Variants in SLC6A7 observed in about 807,000 individuals in gnomAD.
The protein encoded by SLC6A7 is solute carrier family 6 member 7, also known as sodium-dependent proline transporter.
Under a neutral mutation model 73.1 loss-of-function variants are expected in SLC6A7, and 58 were observed. That is an observed-to-expected ratio of 0.79 (90% CI 0.64 to 0.99). The LOEUF is 0.99. SLC6A7 is among the 50% of genes least tolerant of loss of function. The pLI is 0.00. For synonymous variants in SLC6A7, 338 were observed against 338.7 expected (o/e 1.00, Z 0.02); for missense variants, 783 against 831.4 (o/e 0.94, Z 0.72).
rs1283324833 is a variant in SLC6A7, at chr5:150,209,980, G to A, written c.*365G>A. 1.6e-5 allele frequency: 5 copies of A among 306,186 alleles called. No individual in the cohort carries two copies. The highest frequency in any genetic ancestry group is 7.4e-5 in the South Asian group (2 of 27,050). 19.0% of individuals were successfully genotyped at this position (306,186 alleles called of 1,614,324 possible). On this transcript the variant is annotated 3_prime_UTR_variant, in exon 14 of 14. Coordinates refer to ENST00000230671, the MANE Select transcript of SLC6A7 (RefSeq NM_014228.5). The stretch of plus-strand genomic sequence containing the variant: ...CAGCTCCCTTTCCCATGGGGCAGCC[G>A]GCACCACCTTCTCATCTCTATTCAG...
chr5:150,200,726 G>A (rs1194121644), intron 5 of SLC6A7, among the ~76,000 whole-genome samples: 1 of 152,222 alleles, frequency 6.6e-6, no homozygotes, highest in Non-Finnish European at 1.5e-5. Context: ...TGCTGAAGCG[G>A]TGGCTGGAGG....
At chr5:150,193,986 T>A (rs999598557) in intron 1 of SLC6A7, among the ~76,000 whole-genome samples, 5 of 152,160 alleles carry the variant, frequency 3.3e-5, no homozygotes, top group Non-Finnish European at 5.9e-5. Context: ...CTTAGATGAA[T>A]ACTGAGCTCA....
In SLC6A7 at chr5:150,204,587, T is replaced by C; in HGVS notation, c.1388T>C (p.Met463Thr). ...LDDYSASFGL[M>T]VVVITTCLAV... ...GACTACAGCGCCAGCTTCGGGCTGA[T>C]GGTGGTGGTTATCACCACGTGCCTT... Residue 463 changes from methionine (M) to threonine (T), a missense_variant, in exon 11 of 14, where the codon ATG becomes ACG. Transcript: ENST00000230671. 1 of 1,614,082 alleles carries C rather than the reference T, an allele frequency of 6.2e-7. No homozygotes were observed. The highest frequency in any genetic ancestry group is 2.2e-5 in the East Asian group (1 of 44,876).
chr5:150,198,636 A>C (rs1287132836), intron 4 of SLC6A7, among the ~76,000 whole-genome samples: 1 of 152,186 alleles, frequency 6.6e-6, no homozygotes, highest in Non-Finnish European at 1.5e-5. Flanking sequence ...AGTTTAGTGA[A>C]GGGACTTTTC....
At chr5:150,192,962 G>C (rs1410139752) in intron 1 of SLC6A7, among the ~76,000 whole-genome samples, 1 of 152,202 alleles carries the variant, frequency 6.6e-6, no homozygotes, top group Non-Finnish European at 1.5e-5. Context: ...TGCTCACCCA[G>C]CTGGAGAGGC....
At position 150,201,155 on chromosome 5, in the gene SLC6A7, C is replaced by G; in HGVS notation, c.790C>G (p.Leu264Val). 6.2e-7 allele frequency: 1 copy of G among 1,613,796 alleles called. No individual in the cohort carries two copies. The highest frequency in any genetic ancestry group is 8.5e-7 in the Non-Finnish European group (1 of 1,179,782). ...LLMLLVRGVT[L>V]PGAWKGIQFY... ...CATGCTGCTGGTCCGCGGAGTCACC[C>G]TCCCAGGGGCCTGGAAGGGCATCCA... is the stretch of plus-strand genomic sequence containing the variant. The change falls in exon 6 of 14, where the codon CTC (leucine) becomes GTC (valine). Residue 264 changes from leucine (L) to valine (V), a missense_variant. Physicochemically the swap from Leu to Val is conservative, Grantham distance 32. Coordinates refer to ENST00000230671, the MANE Select transcript of SLC6A7 (RefSeq NM_014228.5).
chr5:150,205,512 C>T lies in SLC6A7; in HGVS notation c.1590C>T (p.Arg530=), dbSNP rs1753651242. ...KYQPSEYGSY[R]FPPWAELLGI... is the part of the protein sequence containing the mutation. The stretch of plus-strand genomic sequence containing the variant: ...AGCCCTCGGAGTATGGCAGTTACCG[C>T]TTCCCGCCCTGGGCTGAGCTGCTGG... The change falls in exon 13 of 14, where the codon CGC becomes CGT. Residue 530 remains arginine, a synonymous_variant. Transcript: ENST00000230671. 2 of 1,613,602 alleles carry T rather than the reference C, an allele frequency of 1.2e-6. No homozygotes were observed. Among genetic ancestry groups the T allele is most frequent in the African/African-American group, 2.7e-5 (2 of 75,030 alleles).
chr5:150,204,756 G>A, intron 11 of SLC6A7, 71 bp from the exon 12 acceptor site: 2 of 1,347,808 alleles, frequency 1.5e-6, no homozygotes, highest in Non-Finnish European at 2.1e-6. Context: ...GGGCAGCTGG[G>A]GTAGAGGAGG....
Position 150,204,639 on chromosome 5 carries a change from G to A in SLC6A7, c.1432+8G>A. On this transcript the variant is annotated splice_region_variant and intron_variant, in intron 11 of 13. Coordinates refer to ENST00000230671, the MANE Select transcript of SLC6A7 (RefSeq NM_014228.5). ...CCGTGACACGGGTGTATGGTGAGAA[G>A]AGCCGTGGGAAGTGGAGTCGAGCTC... 1 of 1,593,558 alleles carries A rather than the reference G, an allele frequency of 6.3e-7. No individual in the cohort carries two copies. Among genetic ancestry groups the A allele is most frequent in the Non-Finnish European group, 8.6e-7 (1 of 1,161,104 alleles).
In SLC6A7 at chr5:150,203,730, G is replaced by T. The variant is rs764171454; in HGVS notation, c.1151G>T (p.Trp384Leu). ...ACCATGCTGCCTCTGTCACCCTTCT[G>T]GTCCTTTCTCTTCTTCTTCATGCTT... The part of the protein sequence containing the change: ...AMTMLPLSPF[W>L]SFLFFFMLLT... The change falls in exon 9 of 14, where the codon TGG becomes TTG. Residue 384 changes from tryptophan (W) to leucine (L), a missense_variant. By Grantham distance (61) the Trp-to-Leu change is moderately conservative. Transcript: ENST00000230671. 1 of 1,612,686 alleles carries T rather than the reference G, an allele frequency of 6.2e-7. No homozygotes were observed. Among genetic ancestry groups the T allele is most frequent in the South Asian group, 1.1e-5 (1 of 91,022 alleles).
chr5:150,200,249 T>G (rs1285913050), intron 5 of SLC6A7, among the ~76,000 whole-genome samples: 1 of 152,156 alleles, frequency 6.6e-6, no homozygotes, highest in Non-Finnish European at 1.5e-5. Flanking sequence ...TCCTAGCAGT[T>G]TGGGAAGCCG....
At chr5:150,195,609 C>T (rs1388985252) in intron 2 of SLC6A7, among the ~76,000 whole-genome samples, 1 of 152,224 alleles carries the variant, frequency 6.6e-6, no homozygotes, top group African/African-American at 2.4e-5. Flanking sequence ...CCCAAGGTCA[C>T]AGGGTGGCAG....
Position 150,190,236 on chromosome 5 carries a change from G to C in SLC6A7, c.-92G>C. 3 of 1,112,674 alleles carry C rather than the reference G, an allele frequency of 2.7e-6. No individual in the cohort carries two copies. The highest frequency in any genetic ancestry group is 1.5e-5 in the South Asian group (1 of 65,438). The allele number at this position is 1,112,674 out of a possible 1,614,324, so 68.9% of individuals were successfully genotyped here. A position where few individuals can be genotyped will look rare whatever the true frequency, so the allele number is the denominator to read the frequency against. ...GCCCCAGCCGGTGCGCGGGAGCCGC[G>C]GGGGCAAAGGCGCAGTGGCCAGCGG... On this transcript the variant is annotated 5_prime_UTR_variant, in exon 1 of 14. Coordinates refer to ENST00000230671, the MANE Select transcript of SLC6A7 (RefSeq NM_014228.5).
At chr5:150,208,487 T>C (rs1753806708) in intron 13 of SLC6A7, among the ~76,000 whole-genome samples, 1 of 152,314 alleles carries the variant, frequency 6.6e-6, no homozygotes, top group Middle Eastern at 3.4e-3. Flanking sequence ...CTGGAGGCCC[T>C]GGTGCACACT....
At chr5:150,209,265 C>T (rs1433077139) in intron 13 of SLC6A7, 141 bp from the exon 14 acceptor site, 2 of 691,246 alleles carry the variant, frequency 2.9e-6, no homozygotes, top group Non-Finnish European at 2.5e-6. Context: ...AGTCATAGTG[C>T]CCCCCACTTC....
At chr5:150,199,119 G>A (rs548467211) in intron 4 of SLC6A7, 109 bp from the exon 5 acceptor site, 71 of 1,392,958 alleles carry the variant, frequency 5.1e-5, no homozygotes, top group African/African-American at 3.0e-4. Context: ...TCAAGAGGGC[G>A]TCAAGTGGAG....
In SLC6A7 at chr5:150,210,400, G is replaced by C. The variant is rs1385222863; in HGVS notation, c.*785G>C. 3 of 153,160 alleles carry C rather than the reference G, an allele frequency of 2.0e-5. No homozygotes were observed. In the East Asian group the frequency reaches 5.6e-4, roughly 29 times the overall value. 9.5% of individuals were successfully genotyped at this position (153,160 alleles called of 1,614,324 possible). A position where few individuals can be genotyped will look rare whatever the true frequency, so the allele number is the denominator to read the frequency against. ...GGGGGAGCCAGGGATGATGGGGTGG[G>C]CAGGGGATTTGCATGATGAGGAGTA... On this transcript the variant is annotated 3_prime_UTR_variant, in exon 14 of 14. Transcript: ENST00000230671.
At chr5:150,196,678 GC>G in intron 2 of SLC6A7, 37 bp from the exon 3 acceptor site, 1 of 1,591,744 alleles carries the variant, frequency 6.3e-7, no homozygotes, top group Non-Finnish European at 8.6e-7. Flanking sequence ...TGGGGGAGCT[GC>G]CCCCAAGGCC....
At chr5:150,195,550 A>G (rs1196308324) in intron 2 of SLC6A7, among the ~76,000 whole-genome samples, 2 of 152,218 alleles carry the variant, frequency 1.3e-5, no homozygotes, top group African/African-American at 4.8e-5. Context: ...TTGGGTAGGC[A>G]CCATGGATAC....
Sources: gnomAD v4.1 joint callset for allele counts (sites outside exome capture counted in the v4.1 genomes callset) on GRCh38, gnomAD v4.1.1 for gene constraint, MANE v1.5 for transcripts, NCBI Gene and HGNC (gene_info 2026-07-23, HGNC 2026-07-21) for gene names.